Variants in USP22 observed in about 807,000 individuals in gnomAD.
USP22 encodes the protein ubiquitin carboxyl-terminal hydrolase 22.
USP22 carries 22 observed loss-of-function variants against 68.1 expected under a neutral mutation model. The ratio of observed to expected loss-of-function variants is 0.32; its 90% CI spans 0.23 to 0.46. USP22 has a LOEUF of 0.46. Among genes scored for constraint, USP22 ranks in the 20% least tolerant of loss-of-function variants. The pLI is 1.00. For synonymous variants in USP22, 279 were observed against 274.2 expected, an observed-to-expected ratio of 1.02 and a Z score of -0.17; for missense variants, 433 against 695.8, an observed-to-expected ratio of 0.62 and a Z score of 4.25.
At chr17:21,037,405 G>T (rs1047506070) in intron 1 of USP22, among the ~76,000 whole-genome samples, 1 of 151,778 alleles carries the variant, frequency 6.6e-6, no homozygotes, top group Non-Finnish European at 1.5e-5. Flanking sequence ...ACATGACTTC[G>T]GCCATTCAGT....
chr17:21,007,749 T>C (rs1913823281), intron 9 of USP22, 121 bp downstream of exon 9: 29 of 1,273,882 alleles, frequency 2.3e-5, no homozygotes, highest in Non-Finnish European at 2.2e-6. Context: ...CCTTCCTCGG[T>C]GTTCTTCCTG....
chr17:21,026,554 G>A (rs1332008011), intron 2 of USP22, among the ~76,000 whole-genome samples: 1 of 151,660 alleles, frequency 6.6e-6, no homozygotes, highest in Non-Finnish European at 1.5e-5. Flanking sequence ...GAGCTCCTGC[G>A]CTCAGGTAAT....
Position 21,015,819 on chromosome 17 carries a change from G to A in USP22, c.771C>T (p.Gly257=), listed in dbSNP as rs1914115331. The part of the protein sequence containing the change: ...LVWTHARHLA[G]YEQQDAHEFL... Reference sequence around the variant, plus strand: ...ACTCGTGGGCGTCCTGCTGCTCGTAGCCTGCTAGGTGCCTCGCGTGGGTCC... The same window carrying A: ...ACTCGTGGGCGTCCTGCTGCTCGTAACCTGCTAGGTGCCTCGCGTGGGTCC... The change falls in exon 6 of 13, where the codon GGC becomes GGT. Residue 257 remains glycine, a synonymous_variant. Transcript: ENST00000261497. The A allele has an allele frequency of 1.2e-6, 2 of 1,613,942 alleles. No homozygotes were observed. Among genetic ancestry groups the A allele is most frequent in the South Asian group, 1.1e-5 (1 of 91,046 alleles).
chr17:21,043,251 G>T (rs539692787), upstream of USP22: 179 of 171,412 alleles, frequency 1.0e-3, no homozygotes, highest in African/African-American at 4.4e-3. Context: ...GTAGGGGGGG[G>T]AAGCTAACGA....
chr17:21,029,601 T>C (rs1972264297), intron 1 of USP22, among the ~76,000 whole-genome samples: 2 of 152,202 alleles, frequency 1.3e-5, no homozygotes, highest in South Asian at 2.1e-4. Context: ...AAATACTGTG[T>C]CATTCACAAC....
chr17:21,004,778 T>C (rs887114049), intron 11 of USP22, 150 bp downstream of exon 11: 2 of 86,458 alleles, frequency 2.3e-5, no homozygotes, highest in African/African-American at 7.2e-5. Context: ...CTAGTGGAGC[T>C]GCGGGCAGCC....
At chr17:21,016,116 C>G (rs1914124549) in intron 5 of USP22, among the ~76,000 whole-genome samples, 1 of 152,142 alleles carries the variant, frequency 6.6e-6, no homozygotes, top group Non-Finnish European at 1.5e-5. Flanking sequence ...TTTCTACCAT[C>G]TAGTTTTCCA....
chr17:21,019,202 C>T lies in USP22; in HGVS notation c.419-17G>A, dbSNP rs777724317. On this transcript the variant is annotated splice_polypyrimidine_tract_variant and intron_variant, in intron 3 of 12. Coordinates refer to ENST00000261497, the MANE Select transcript of USP22 (RefSeq NM_015276.2). ...CTCCAACGCCTAAGCAGATGAAGGA[C>T]AGTTCCAAGCGCTATTAGCTAGATT... 2 of 1,610,448 alleles carry T rather than the reference C, an allele frequency of 1.2e-6. No homozygotes were observed. Among genetic ancestry groups the T allele is most frequent in the Middle Eastern group, 1.7e-4 (1 of 6,052 alleles).
intron 1 of USP22, among the ~76,000 whole-genome samples, chr17:21,039,167 G>A (rs1265163653): frequency 6.6e-6 from 1 of 151,816 alleles, no homozygotes; most frequent in Non-Finnish European, 1.5e-5. Flanking sequence ...TAGCCAGGAT[G>A]GTCTCGATCT....
At chr17:21,007,212 GT>G (rs1460483677) in intron 9 of USP22, among the ~76,000 whole-genome samples, 2 of 152,314 alleles carry the variant, frequency 1.3e-5, no homozygotes, top group East Asian at 1.9e-4. Context: ...CTGTTCAGTG[GT>G]AACACCAAGG....
intron 3 of USP22, among the ~76,000 whole-genome samples, chr17:21,020,249 A>AAAAAAAAAAAAAAAAAAC (rs1972137976): frequency 3.2e-5 from 1 of 30,862 alleles, no homozygotes; most frequent in Non-Finnish European, 7.6e-5. Flanking sequence ...AAAACCAAAA[A>AAAAAAAAAAAAAAAAAAC]AAAAAAAAAA....
At chr17:21,031,879 G>C (rs1597700270) in intron 1 of USP22, among the ~76,000 whole-genome samples, 1 of 152,242 alleles carries the variant, frequency 6.6e-6, no homozygotes, top group African/African-American at 2.4e-5. Context: ...ACAGCTAAGA[G>C]ACAGCTTCTC....
chr17:21,036,908 A>G (rs1235223978), intron 1 of USP22, among the ~76,000 whole-genome samples: 1 of 152,192 alleles, frequency 6.6e-6, no homozygotes. Flanking sequence ...ATCTAATTCC[A>G]TTCTCCCAAA....
intron 1 of USP22, among the ~76,000 whole-genome samples, chr17:21,041,443 CA>C (rs1376392887): frequency 4.0e-5 from 6 of 151,750 alleles, no homozygotes; most frequent in African/African-American, 1.2e-4. Flanking sequence ...ACTAAAAATA[CA>C]AAAATTAGCC....
intron 1 of USP22, among the ~76,000 whole-genome samples, chr17:21,041,587 G>T (rs937153554): frequency 6.6e-6 from 1 of 152,122 alleles, no homozygotes; most frequent in African/African-American, 2.4e-5. Context: ...TACAAAGCGA[G>T]ACTTCGTCTC....
At chr17:21,018,193 T>A in intron 4 of USP22, 82 bp from the exon 5 acceptor site, 1 of 1,323,124 alleles carries the variant, frequency 7.6e-7, no homozygotes, top group South Asian at 1.5e-5. Flanking sequence ...TTCCTCTACC[T>A]CTACATACTC....
chr17:21,021,029 ACTT>A, intron 3 of USP22, 81 bp downstream of exon 3: 3 of 1,102,384 alleles, frequency 2.7e-6, no homozygotes, highest in Non-Finnish European at 2.7e-6. Flanking sequence ...CCACCTAGGT[ACTT>A]CTCTTTCTCC....
intron 8 of USP22, among the ~76,000 whole-genome samples, chr17:21,009,456 A>G (rs376928872): frequency 6.2e-5 from 4 of 64,812 alleles, no homozygotes; most frequent in African/African-American, 1.4e-4. Flanking sequence ...CTTGCAATAC[A>G]AAGTGGGGAC....
intron 2 of USP22, among the ~76,000 whole-genome samples, chr17:21,027,539 C>T (rs1423105406): frequency 6.8e-6 from 1 of 146,694 alleles, no homozygotes; most frequent in Non-Finnish European, 1.5e-5. Context: ...GCTAGGCTCA[C>T]ATGAACTATT....
Sources: gnomAD v4.1 joint callset for allele counts (sites outside exome capture counted in the v4.1 genomes callset) on GRCh38, gnomAD v4.1.1 for gene constraint, MANE v1.5 for transcripts, NCBI Gene and HGNC (gene_info 2026-07-23, HGNC 2026-07-21) for gene names.